Variants in PARD3B observed in about 807,000 individuals in gnomAD.
PARD3B encodes partitioning defective 3 homolog B.
A neutral mutation model predicts 130.2 loss-of-function variants in PARD3B; 103 were observed. That is an observed-to-expected ratio of 0.79 (90% CI 0.67 to 0.93). The LOEUF (loss-of-function observed/expected upper bound fraction) is 0.93, where lower values mean the gene tolerates loss of function less well. PARD3B is among the 40% of genes least tolerant of loss of function. The probability of loss-of-function intolerance (pLI) is 0.00; values close to 1 mark genes in which losing one functional copy is unlikely to be tolerated. For synonymous variants in PARD3B, 583 were observed against 553.2 expected, an observed-to-expected ratio of 1.05 and a Z score of -0.76; for missense variants, 1,609 against 1,499.2, an observed-to-expected ratio of 1.07 and a Z score of -1.21.
At position 205,616,188 on chromosome 2, in the gene PARD3B, C is replaced by A. The variant is rs147598931; in HGVS notation, c.*375C>A. ...GCTGATGTGCAGACACGTGGACATC[C>A]CCCTCTGAGACTGGCGGTCCAGAGG... is the stretch of plus-strand genomic sequence containing the variant. On this transcript the variant is annotated 3_prime_UTR_variant, in exon 23 of 23. Transcript: ENST00000406610. The A allele has an allele frequency of 7.0e-3, 1,323 of 189,866 alleles. 18 individuals are homozygous for A. Among genetic ancestry groups the A allele is most frequent in the Non-Finnish European group, 6.6e-3 (616 of 93,562 alleles). The allele number at this position is 189,866 out of a possible 1,614,324, so 11.8% of individuals were successfully genotyped here.
intron 18 of PARD3B, among the ~76,000 whole-genome samples, chr2:205,380,283 T>A (rs1415556297): frequency 3.4e-5 from 1 of 29,036 alleles, no homozygotes; most frequent in Non-Finnish European, 6.2e-5. Context: ...ATATAATATA[T>A]AAAGAATATA....
At chr2:204,786,113 CAAAAAA>C (rs56704816) in intron 2 of PARD3B, among the ~76,000 whole-genome samples, 2 of 94,030 alleles carry the variant, frequency 2.1e-5, no homozygotes, top group Non-Finnish European at 2.2e-5. Flanking sequence ...GACTCCATCT[CAAAAAA>C]AAAAAAAAAA....
rs981038635 is a variant in PARD3B, at chr2:205,160,766, G to C, written c.1620+1859G>C. The stretch of plus-strand genomic sequence containing the variant: ...TCTAACTTTATTCACATTTACATTG[G>C]ATTATTTTCAGTCCATTTTATCAAA... On this transcript the variant is annotated intron_variant, in intron 11 of 22. Coordinates refer to ENST00000406610, the MANE Select transcript of PARD3B (RefSeq NM_001302769.2). The surrounding 1 kb of genome is among the most constrained non-coding windows in gnomAD (Gnocchi z 4.0). Among the ~76,000 whole-genome samples, 6 of 152,140 alleles carry C rather than the reference G, an allele frequency of 3.9e-5. No individual in the cohort carries two copies. Among genetic ancestry groups the C allele is most frequent in the African/African-American group, 1.4e-4 (6 of 41,426 alleles).
intron 3 of PARD3B, among the ~76,000 whole-genome samples, chr2:204,970,449 C>T (rs1691607212): frequency 6.6e-6 from 1 of 152,190 alleles, no homozygotes; most frequent in African/African-American, 2.4e-5. Context: ...ACCACCATAT[C>T]TCCCTGGGCC....
intron 3 of PARD3B, among the ~76,000 whole-genome samples, chr2:205,018,607 G>A (rs1363306137): frequency 6.6e-6 from 1 of 150,496 alleles, no homozygotes; most frequent in East Asian, 2.0e-4. Flanking sequence ...GCACTTAAAT[G>A]CATTATGTAC....
At chr2:204,926,089 C>T (rs12694012) in intron 2 of PARD3B, among the ~76,000 whole-genome samples, 32,491 of 151,852 alleles carry the variant, frequency 0.21, 4,039 homozygotes, top group Non-Finnish European at 0.29. Context: ...AACGAACTAA[C>T]ACACCTACAT....
At chr2:205,489,455 A>G (rs899544071) in intron 20 of PARD3B, among the ~76,000 whole-genome samples, 2 of 150,766 alleles carry the variant, frequency 1.3e-5, no homozygotes, top group African/African-American at 4.9e-5. Context: ...CAGCCTGGGC[A>G]ACAGTATAAG....
At chr2:205,072,527 C>T (rs62173549) in intron 4 of PARD3B, among the ~76,000 whole-genome samples, 45,859 of 152,004 alleles carry the variant, frequency 0.3, 7,323 homozygotes, top group South Asian at 0.51. Flanking sequence ...GCAGGGATTA[C>T]AGGCATGACC....
At chr2:204,593,753 C>T (rs1340888757) in intron 1 of PARD3B, among the ~76,000 whole-genome samples, 1 of 152,184 alleles carries the variant, frequency 6.6e-6, no homozygotes, top group Non-Finnish European at 1.5e-5. Context: ...CCAGGTCCTG[C>T]AGCTGCAGAA....
chr2:205,013,442 T>C (rs1434108798), intron 3 of PARD3B, among the ~76,000 whole-genome samples: 1 of 152,186 alleles, frequency 6.6e-6, no homozygotes, highest in African/African-American at 2.4e-5. Context: ...GAATACATTA[T>C]CTTCTCTTGT....
chr2:204,828,576 CA>C (rs1257028892), intron 2 of PARD3B, among the ~76,000 whole-genome samples: 2 of 152,198 alleles, frequency 1.3e-5, no homozygotes, highest in African/African-American at 2.4e-5. Context: ...TATCTCCTTT[CA>C]CTTAAGTGCC....
At chr2:204,695,800 A>AG (rs1458543217) in intron 2 of PARD3B, among the ~76,000 whole-genome samples, 1 of 152,006 alleles carries the variant, frequency 6.6e-6, no homozygotes, top group Non-Finnish European at 1.5e-5. Context: ...GGAAGGGAGG[A>AG]GGATGGTTAT....
chr2:205,521,631 A>G (rs1166004185), intron 21 of PARD3B, among the ~76,000 whole-genome samples: 3 of 152,120 alleles, frequency 2.0e-5, no homozygotes, highest in Admixed American at 6.5e-5. Context: ...TTCTGAAAAA[A>G]TAAGTCTACA....
At chr2:204,855,665 A>G (rs765526395) in intron 2 of PARD3B, among the ~76,000 whole-genome samples, 47 of 151,950 alleles carry the variant, frequency 3.1e-4, no homozygotes, top group Non-Finnish European at 6.0e-4. Context: ...GTCTAATGAA[A>G]CTTTGTAACC....
intron 4 of PARD3B, chr2:205,103,666 A>G (rs1443456340): frequency 1.0e-6 from 1 of 962,226 alleles, no homozygotes; most frequent in Non-Finnish European, 1.2e-6. Context: ...AGGTATCCAC[A>G]GGATTCCCTG....
At chr2:204,655,143 C>G (rs2125174199) in intron 1 of PARD3B, among the ~76,000 whole-genome samples, 1 of 152,310 alleles carries the variant, frequency 6.6e-6, no homozygotes, top group South Asian at 2.1e-4. Flanking sequence ...CACATCTCTT[C>G]CTGTTGATTC....
intron 21 of PARD3B, among the ~76,000 whole-genome samples, chr2:205,529,737 T>C (rs2051502955): frequency 6.6e-6 from 1 of 152,208 alleles, no homozygotes; most frequent in Non-Finnish European, 1.5e-5. Flanking sequence ...CTGCTGGTTA[T>C]TTTCCCTTTT....
intron 1 of PARD3B, among the ~76,000 whole-genome samples, chr2:204,571,682 C>T (rs1574480565): frequency 1.3e-5 from 2 of 152,140 alleles, no homozygotes; most frequent in African/African-American, 4.8e-5. Context: ...TTGTTGTTTG[C>T]TTTTTGGTTT....
At chr2:204,932,152 A>G (rs1008210049) in intron 2 of PARD3B, among the ~76,000 whole-genome samples, 5 of 152,134 alleles carry the variant, frequency 3.3e-5, no homozygotes, top group Admixed American at 6.5e-5. Context: ...GTGATATAAT[A>G]TTTCAGTATA....
Sources: gnomAD v4.1 joint callset for allele counts (sites outside exome capture counted in the v4.1 genomes callset) on GRCh38, gnomAD v4.1.1 for gene constraint, Gnocchi (gnomAD v3.1) non-coding constraint, MANE v1.5 for transcripts, NCBI Gene and HGNC (gene_info 2026-07-23, HGNC 2026-07-21) for gene names.